The following GABRG2 variants were observed in gnomAD, a reference collection of about 807,000 sequenced individuals.
GABRG2 encodes the protein gamma-aminobutyric acid receptor subunit gamma-2.
In GABRG2, 16 loss-of-function variants were observed where a neutral mutation model predicts 56.4. That is an observed-to-expected ratio of 0.28 (90% CI 0.19 to 0.43). GABRG2 has a LOEUF of 0.43. Ranked by LOEUF, GABRG2 falls within the 20% of genes least tolerant of loss-of-function variation. The pLI is 1.00. For missense variants in GABRG2, 327 were observed against 582.7 expected (o/e 0.56, Z 4.52); for synonymous variants, 208 against 205.5 (o/e 1.01, Z -0.10).
chr5:162,146,331 T>C (rs1309822734), intron 7 of GABRG2, among the ~76,000 whole-genome samples: 1 of 152,110 alleles, frequency 6.6e-6, no homozygotes, highest in South Asian at 2.1e-4. Flanking sequence ...AACAAGTTTT[T>C]ATTCCTCCAA....
intron 1 of GABRG2, among the ~76,000 whole-genome samples, chr5:162,072,426 T>C (rs927764387): frequency 2.0e-5 from 3 of 152,070 alleles, no homozygotes; most frequent in South Asian, 2.1e-4. Flanking sequence ...TGAAAAGTTA[T>C]AATCAGAGTA....
intron 6 of GABRG2, among the ~76,000 whole-genome samples, chr5:162,141,638 T>G (rs936486136): frequency 1.3e-5 from 2 of 152,192 alleles, no homozygotes; most frequent in Middle Eastern, 3.2e-3. Flanking sequence ...ACCATGTGAT[T>G]CAATGAACAT....
At chr5:162,110,490 T>A (rs190834036) in intron 6 of GABRG2, among the ~76,000 whole-genome samples, 1 of 152,268 alleles carries the variant, frequency 6.6e-6, no homozygotes. Context: ...CCTTTTAGGC[T>A]GTTTTAATTT....
intron 6 of GABRG2, among the ~76,000 whole-genome samples, chr5:162,140,249 G>A (rs1764457081): frequency 6.6e-6 from 1 of 152,176 alleles, no homozygotes; most frequent in Non-Finnish European, 1.5e-5. Flanking sequence ...CTAATTCCCT[G>A]ATCAGTGCTA....
chr5:162,094,169 G>A, intron 2 of GABRG2, 190 bp downstream of exon 2: 1 of 590,482 alleles, frequency 1.7e-6, no homozygotes, highest in South Asian at 2.1e-5. Context: ...TCAAAATGAA[G>A]AAATATTATT....
chr5:162,129,494 G>A (rs1763570586), intron 6 of GABRG2, among the ~76,000 whole-genome samples: 2 of 151,580 alleles, frequency 1.3e-5, no homozygotes, highest in Non-Finnish European at 2.9e-5. Flanking sequence ...AAAAAAAAAT[G>A]ATAGTAACAT....
At chr5:162,089,625 T>C (rs1295758907) in intron 1 of GABRG2, among the ~76,000 whole-genome samples, 1 of 152,118 alleles carries the variant, frequency 6.6e-6, no homozygotes, top group African/African-American at 2.4e-5. Flanking sequence ...AAAGGAAACA[T>C]TAAAAATATA....
chr5:162,136,276 T>C (rs913335711), intron 6 of GABRG2, among the ~76,000 whole-genome samples: 1 of 152,172 alleles, frequency 6.6e-6, no homozygotes, highest in Non-Finnish European at 1.5e-5. Context: ...CACTGTCCAA[T>C]TGAATGTTCC....
At chr5:162,096,743 C>CTT (rs538922071) in intron 3 of GABRG2, among the ~76,000 whole-genome samples, 23 of 143,694 alleles carry the variant, frequency 1.6e-4, no homozygotes, top group African/African-American at 5.3e-4. Context: ...ACCATATCTG[C>CTT]TTTTTTTTTT....
chr5:162,152,074 AC>A (rs747688800), intron 9 of GABRG2: 17 of 274,362 alleles, frequency 6.2e-5, no homozygotes, highest in South Asian at 9.3e-5. Context: ...GATTACGACT[AC>A]CAAGTTTGTA....
intron 1 of GABRG2, among the ~76,000 whole-genome samples, chr5:162,083,088 C>T (rs956060227): frequency 1.3e-5 from 2 of 151,696 alleles, no homozygotes; most frequent in African/African-American, 4.8e-5. Context: ...TGTATGTACA[C>T]ATGTTGTTAA....
In GABRG2 at chr5:162,118,204, G is replaced by GGTGTGTGTGTGT. The variant is rs3079259; in HGVS notation, c.769+14201_769+14212dup. 3.4e-3 allele frequency among the ~76,000 whole-genome samples: 494 copies of GGTGTGTGTGTGT among 146,190 alleles called. 7 individuals are homozygous for GGTGTGTGTGTGT. Among genetic ancestry groups the GGTGTGTGTGTGT allele is most frequent in the African/African-American group, 0.012 (476 of 39,828 alleles). Reference sequence around the variant, plus strand: ...TATTGCTGTTCATAGAGGTTCTGATGGTGTGTGTGTGTGTGTGTGTGTGTG... The same window carrying GGTGTGTGTGTGT: ...TATTGCTGTTCATAGAGGTTCTGATGGTGTGTGTGTGTGTGTGTGTGTGTGTGTGTGTGTGTG... On this transcript the variant is annotated intron_variant, in intron 6 of 9. Transcript: ENST00000639213.
chr5:162,100,357 C>T (rs1027269268), intron 4 of GABRG2: 7 of 152,036 alleles, frequency 4.6e-5, no homozygotes, highest in African/African-American at 1.7e-4. Context: ...ACTTTCCTTA[C>T]ATCAATAATA....
chr5:162,153,022 T>C, intron 9 of GABRG2, 71 bp from the exon 10 acceptor site: 7 of 1,559,752 alleles, frequency 4.5e-6, no homozygotes, highest in Middle Eastern at 1.7e-4. Flanking sequence ...ATTGGTGACA[T>C]TGTGGAAAAA....
intron 8 of GABRG2, 109 bp downstream of exon 8, chr5:162,149,422 A>T: frequency 1.0e-6 from 1 of 985,654 alleles, no homozygotes. Context: ...CTCCAAGATG[A>T]AAACAGCATG....
chr5:162,124,988 G>T (rs1355486356), intron 6 of GABRG2, among the ~76,000 whole-genome samples: 1 of 151,412 alleles, frequency 6.6e-6, no homozygotes, highest in Admixed American at 6.6e-5. Context: ...GTGTGTGTGT[G>T]TGTGTGTATT....
At position 162,095,515 on chromosome 5, in the gene GABRG2, A is replaced by G. The variant is rs766039298; in HGVS notation, c.280A>G (p.Thr94Ala). The G allele has an allele frequency of 1.2e-6, 2 of 1,609,026 alleles. No homozygotes were observed. The highest frequency in any genetic ancestry group is 1.3e-5 in the African/African-American group (1 of 74,798). ...DIGVKPTLIH[T>A]DMYVNSIGPV... Reference sequence around the variant, plus strand: ...TACAGTGAAGCCAACGTTAATTCACACAGACATGTATGTGAATAGCATTGG... The same window carrying G: ...TACAGTGAAGCCAACGTTAATTCACGCAGACATGTATGTGAATAGCATTGG... Residue 94 changes from threonine to alanine, a missense_variant, in exon 3 of 10, where the codon ACA (threonine) becomes GCA (alanine). Coordinates refer to ENST00000639213, the MANE Select transcript of GABRG2 (RefSeq NM_198904.4).
At chr5:162,079,818 T>C (rs960867498) in intron 1 of GABRG2, among the ~76,000 whole-genome samples, 17 of 152,114 alleles carry the variant, frequency 1.1e-4, no homozygotes, top group African/African-American at 4.1e-4. Context: ...GGTCTCACTC[T>C]GTCGCCCAGG....
intron 1 of GABRG2, among the ~76,000 whole-genome samples, chr5:162,080,547 T>G (rs1327158365): frequency 6.6e-6 from 1 of 152,178 alleles, no homozygotes; most frequent in Non-Finnish European, 1.5e-5. Flanking sequence ...GGCAGAAAGC[T>G]ATTTCCTAAT....
Sources: allele counts gnomAD v4.1 joint callset (sites outside exome capture counted in the v4.1 genomes callset), GRCh38; gene constraint gnomAD v4.1.1; transcripts MANE v1.5; gene names NCBI Gene and HGNC (gene_info 2026-07-23, HGNC 2026-07-21).